Variants in ATP8B4 observed in about 807,000 individuals in gnomAD.
ATP8B4 encodes the protein ATPase phospholipid transporting 8B4 (putative), also known as probable phospholipid-transporting ATPase IM.
ATP8B4 carries 133 observed loss-of-function variants against 145.6 expected under a neutral mutation model. The ratio of observed to expected loss-of-function variants is 0.91; its 90% CI spans 0.79 to 1.05. The LOEUF (loss-of-function observed/expected upper bound fraction) is 1.05, where lower values mean the gene tolerates loss of function less well. Among genes scored for constraint, ATP8B4 ranks in the 50% least tolerant of loss-of-function variants. ATP8B4 has a pLI of 0.00. For synonymous variants in ATP8B4, 507 were observed against 492.9 expected, an observed-to-expected ratio of 1.03 and a Z score of -0.38; for missense variants, 1,458 against 1,425.2, an observed-to-expected ratio of 1.02 and a Z score of -0.37.
intron 3 of ATP8B4, among the ~76,000 whole-genome samples, chr15:50,072,518 A>G (rs1287992289): frequency 6.6e-6 from 1 of 152,168 alleles, no homozygotes; most frequent in Non-Finnish European, 1.5e-5. Context: ...TATTCCTTAC[A>G]TCAATGAAAA....
At chr15:49,926,078 C>A (rs902691103) in intron 16 of ATP8B4, among the ~76,000 whole-genome samples, 14 of 151,988 alleles carry the variant, frequency 9.2e-5, no homozygotes, top group African/African-American at 2.9e-4. Flanking sequence ...TGTCCCTGGG[C>A]AACTGCATCA....
At chr15:50,034,510 T>C (rs1024505022) in intron 6 of ATP8B4, among the ~76,000 whole-genome samples, 18 of 152,198 alleles carry the variant, frequency 1.2e-4, no homozygotes, top group African/African-American at 4.1e-4. Context: ...TTTATGGGCA[T>C]GAGCCACCAC....
At chr15:49,921,362 T>C (rs886099121) in intron 17 of ATP8B4, among the ~76,000 whole-genome samples, 1 of 152,230 alleles carries the variant, frequency 6.6e-6, no homozygotes, top group African/African-American at 2.4e-5. Flanking sequence ...TGGGGAAGCA[T>C]ACTCTTCCTT....
At chr15:49,879,564 T>A (rs2035057017) in intron 23 of ATP8B4, 105 bp from the exon 24 acceptor site, 1 of 943,790 alleles carries the variant, frequency 1.1e-6, no homozygotes, top group African/African-American at 1.7e-5. Flanking sequence ...GGGAGTTGAC[T>A]TTTGGAATCA....
At chr15:50,110,121 C>T (rs769975130) in intron 1 of ATP8B4, among the ~76,000 whole-genome samples, 4 of 152,136 alleles carry the variant, frequency 2.6e-5, no homozygotes, top group African/African-American at 4.8e-5. Context: ...TATTCTGTCA[C>T]GGTAATTATA....
At position 50,022,156 on chromosome 15, in the gene ATP8B4, C is replaced by CAAA. The variant is rs397800733; in HGVS notation, c.363-11242_363-11240dup. Among the ~76,000 whole-genome samples the CAAA allele has an allele frequency of 2.3e-4, 35 of 151,804 alleles. 1 individual carries two copies. The highest frequency in any genetic ancestry group is 6.2e-4 in the South Asian group (3 of 4,820). On this transcript the variant is annotated intron_variant, in intron 6 of 27. Coordinates refer to ENST00000284509, the MANE Select transcript of ATP8B4 (RefSeq NM_024837.4). ...CTTTTGCATATATGTATATTTGCCA[C>CAAA]AAAAAAATGCAACAACAAGGGATAA...
At chr15:49,920,147 G>A in intron 18 of ATP8B4, 99 bp downstream of exon 18, 1 of 1,413,990 alleles carries the variant, frequency 7.1e-7, no homozygotes, top group African/African-American at 1.4e-5. Context: ...CATCTGCTGT[G>A]TGCAAGATGA....
chr15:50,154,349 A>G (rs1261919711), intron 1 of ATP8B4, among the ~76,000 whole-genome samples: 7 of 152,044 alleles, frequency 4.6e-5, no homozygotes, highest in Admixed American at 4.6e-4. Flanking sequence ...TCTTGTTTTT[A>G]TTTCCTTTCT....
chr15:49,935,058 G>A (rs1478597949), intron 14 of ATP8B4, among the ~76,000 whole-genome samples: 1 of 152,008 alleles, frequency 6.6e-6, no homozygotes, highest in Non-Finnish European at 1.5e-5. Context: ...TTTTTAAAGA[G>A]AAACAATGCT....
intron 7 of ATP8B4, chr15:50,009,261 A>G (rs952332151): frequency 1.3e-5 from 2 of 152,916 alleles, no homozygotes; most frequent in Admixed American, 1.3e-4. Flanking sequence ...GTAAATTTAT[A>G]TCTACTTTTC....
chr15:50,049,398 G>C lies in ATP8B4; in HGVS notation c.88-1934C>G, dbSNP rs531725336. On this transcript the variant is annotated intron_variant, in intron 3 of 27. Coordinates refer to ENST00000284509, the MANE Select transcript of ATP8B4 (RefSeq NM_024837.4). Reference sequence around the variant, plus strand: ...CCCCACTCATAAGTGAGAACTTGCAGTCTTTGGTTTTATGATCCTGTGTTA... The same window carrying C: ...CCCCACTCATAAGTGAGAACTTGCACTCTTTGGTTTTATGATCCTGTGTTA... Among the ~76,000 whole-genome samples the C allele has an allele frequency of 3.3e-5, 5 of 152,280 alleles. No individual in the cohort carries two copies. The East Asian group carries it at 7.7e-4, about 23-fold the overall frequency.
chr15:49,897,433 T>C lies in ATP8B4; in HGVS notation c.2556A>G (p.Arg852=), dbSNP rs766459459. ...GAACAAGGAGAAGCCTTTGGAGATA[T>C]CTAAACTGTGCAAATGAATAGTCGC... is the stretch of plus-strand genomic sequence containing the variant. ...LASDYSFAQF[R]YLQRLLLVHG... The change falls in exon 23 of 28, where the codon AGA becomes AGG. Residue 852 remains arginine (R), a synonymous_variant. Coordinates refer to ENST00000284509, the MANE Select transcript of ATP8B4 (RefSeq NM_024837.4). 18 of 1,612,554 alleles carry C rather than the reference T, an allele frequency of 1.1e-5. No individual in the cohort carries two copies. Among genetic ancestry groups the C allele is most frequent in the South Asian group, 1.1e-4 (10 of 90,774 alleles).
intron 19 of ATP8B4, among the ~76,000 whole-genome samples, 178 bp downstream of exon 19, chr15:49,918,661 G>C (rs2039974411): frequency 6.6e-6 from 1 of 152,078 alleles, no homozygotes; most frequent in Admixed American, 6.5e-5. Context: ...TTGTTAGTTT[G>C]GTTTGTTTTA....
In ATP8B4 at chr15:49,893,653, T is replaced by C. The variant is rs150210590; in HGVS notation, c.2697+3639A>G. Among the ~76,000 whole-genome samples the C allele has an allele frequency of 4.5e-3, 678 of 152,200 alleles. 4 individuals are homozygous for C. The highest frequency in any genetic ancestry group is 0.016 in the African/African-American group (647 of 41,518). On this transcript the variant is annotated intron_variant, in intron 23 of 27. Transcript: ENST00000284509. ...GGTGGTTGCCAGGGACTAGGGGAAA[T>C]GCAGAGTTGTTATTGAGTGGATATA...
intron 16 of ATP8B4, among the ~76,000 whole-genome samples, chr15:49,928,780 C>T (rs778087061): frequency 1.2e-4 from 18 of 151,934 alleles, no homozygotes; most frequent in African/African-American, 4.4e-4. Flanking sequence ...TATTCTGATG[C>T]CTCTGAGGAG....
At position 49,996,685 on chromosome 15, in the gene ATP8B4, C is replaced by A; in HGVS notation, c.581G>T (p.Gly194Val). The change falls in exon 9 of 28, where the codon GGG becomes GTG. Residue 194 changes from glycine to valine, a missense_variant. Transcript: ENST00000284509. ...ELGADISRLA[G>V]FDGIVVCEVP... ...CTGTTTAAAATACTTACCATCAAACCCTGCAAGTCTGCTGATATCTGCTCC... is the reference window on the plus strand; with the variant it reads ...CTGTTTAAAATACTTACCATCAAACACTGCAAGTCTGCTGATATCTGCTCC... The A allele has an allele frequency of 1.2e-6, 2 of 1,601,944 alleles. No individual in the cohort carries two copies. Among genetic ancestry groups the A allele is most frequent in the Non-Finnish European group, 1.7e-6 (2 of 1,171,026 alleles).
intron 2 of ATP8B4, among the ~76,000 whole-genome samples, chr15:50,089,417 TAAAC>T (rs1296552088): frequency 1.3e-5 from 2 of 152,014 alleles, no homozygotes; most frequent in South Asian, 4.1e-4. Context: ...ATAAGGAACT[TAAAC>T]AAATTTACAA....
rs553165974 is a variant in ATP8B4, at chr15:49,915,786, GAC to G, written c.2141+1146_2141+1147del. Among the ~76,000 whole-genome samples the G allele has an allele frequency of 3.1e-3, 461 of 150,272 alleles. 3 individuals are homozygous for G. The highest frequency in any genetic ancestry group is 0.011 in the African/African-American group (445 of 40,856). ...AATTTCCCAATTTTTATTTGGCAAA[GAC>G]ATGTGCAGTATTTAGTCATAGTTTC... On this transcript the variant is annotated intron_variant, in intron 20 of 27. Coordinates refer to ENST00000284509, the MANE Select transcript of ATP8B4 (RefSeq NM_024837.4).
intron 13 of ATP8B4, among the ~76,000 whole-genome samples, chr15:49,962,959 A>G (rs1187329750): frequency 2.0e-5 from 3 of 152,156 alleles, no homozygotes; most frequent in African/African-American, 7.2e-5. Context: ...TAAAGAAACT[A>G]CCATCAGAGT....
Sources: allele counts gnomAD v4.1 joint callset (sites outside exome capture counted in the v4.1 genomes callset), GRCh38; gene constraint gnomAD v4.1.1; transcripts MANE v1.5; gene names NCBI Gene and HGNC (gene_info 2026-07-23, HGNC 2026-07-21).